The following PA2G4 variants were observed in gnomAD, a reference collection of about 807,000 sequenced individuals.
PA2G4 encodes the protein proliferation-associated protein 2G4.
PA2G4 carries 8 observed loss-of-function variants against 53.3 expected under a neutral mutation model. The observed-to-expected ratio is 0.15, with a 90% CI of 0.09 to 0.27. The LOEUF is 0.27. PA2G4 is among the 10% of genes least tolerant of loss of function. The pLI is 1.00. For missense variants in PA2G4, 208 were observed against 486.8 expected, an observed-to-expected ratio of 0.43 and a Z score of 5.39; for synonymous variants, 143 against 169.8, an observed-to-expected ratio of 0.84 and a Z score of 1.23.
rs2136844129 is a variant in PA2G4, at chr12:56,113,211, T to C, written c.*323T>C. On this transcript the variant is annotated 3_prime_UTR_variant, in exon 13 of 13. Transcript: ENST00000303305. ...TCTACTACTCTCTGCTTGGTCAAGG[T>C]TTGTGCCCCACTACAGAACAGGGCT... 4.5e-6 allele frequency: 1 copy of C among 222,034 alleles called. No homozygotes were observed. Among genetic ancestry groups the C allele is most frequent in the East Asian group, 1.2e-4 (1 of 8,540 alleles). 13.8% of individuals were successfully genotyped at this position (222,034 alleles called of 1,614,324 possible). A position where few individuals can be genotyped will look rare whatever the true frequency, so the allele number is the denominator to read the frequency against.
chr12:56,107,717 T>C, intron 5 of PA2G4, 104 bp downstream of exon 5: 1 of 695,426 alleles, frequency 1.4e-6, no homozygotes. Flanking sequence ...AGACCCCTTA[T>C]AAAACAGCTT....
chr12:56,109,370 A>G, intron 6 of PA2G4, 77 bp downstream of exon 6: 4 of 1,100,574 alleles, frequency 3.6e-6, no homozygotes, highest in South Asian at 1.2e-5. Context: ...CTGTAATCCC[A>G]GAACTTTGGG....
rs200426103 is a variant in PA2G4 at position 56,111,542 on chromosome 12, C to T, written c.1119+13C>T. 3.2e-5 allele frequency: 51 copies of T among 1,610,522 alleles called. No individual in the cohort carries two copies. The East Asian group carries it at 1.0e-3, about 32-fold the overall frequency. On this transcript the variant is annotated intron_variant, in intron 12 of 12. Coordinates refer to ENST00000303305, the MANE Select transcript of PA2G4 (RefSeq NM_006191.3). Reference sequence around the variant, plus strand: ...GAAAAAAAAGAAGGTGTGTTATTAACGATCATTCCTCTCTGGCAGGGTGAA... The same window carrying T: ...GAAAAAAAAGAAGGTGTGTTATTAATGATCATTCCTCTCTGGCAGGGTGAA...
At chr12:56,110,141 C>T (rs1376010422) in intron 7 of PA2G4, among the ~76,000 whole-genome samples, 31 of 152,042 alleles carry the variant, frequency 2.0e-4, no homozygotes, top group Admixed American at 2.0e-3. Flanking sequence ...GGTGGATCAC[C>T]TGAGGTCACG....
rs756275049 is a variant in PA2G4, at chr12:56,111,253, C to T, written c.1009C>T (p.Pro337Ser). ...PNGPMRITSG[P>S]FEPDLYKSEM... is the part of the protein sequence containing the mutation. ...TGGCCCCATGCGGATAACCAGTGGT[C>T]CCTTCGAGCCTGACCTCTACAAGTC... is the stretch of plus-strand genomic sequence containing the variant. The change falls in exon 11 of 13, where the codon CCC (proline) becomes TCC (serine). Residue 337 changes from proline to serine, a missense_variant. Pro to Ser is a moderately conservative substitution (Grantham distance 74). Transcript: ENST00000303305. 2.5e-6 allele frequency: 4 copies of T among 1,614,064 alleles called. No individual in the cohort carries two copies. Among genetic ancestry groups the T allele is most frequent in the Non-Finnish European group, 3.4e-6 (4 of 1,179,994 alleles).
intron 5 of PA2G4, 68 bp downstream of exon 5, chr12:56,107,681 T>C: frequency 9.9e-7 from 1 of 1,012,398 alleles, no homozygotes; most frequent in African/African-American, 1.6e-5. Flanking sequence ...ATAGCTACTC[T>C]ATATGAAACT....
Position 56,107,633 on chromosome 12 carries a change from TCCAAAGCTCGTTTGAA to T in PA2G4, c.486+27_486+42del. 6.3e-7 allele frequency: 1 copy of T among 1,579,810 alleles called. No homozygotes were observed. The highest frequency in any genetic ancestry group is 2.2e-5 in the East Asian group (1 of 44,642). The stretch of plus-strand genomic sequence containing the variant: ...AATCAGGTAAGCTATTTTATCCAAT[TCCAAAGCTCGTTTGAA>T]CCAAAGATGCATTAGGCACCTATAG... On this transcript the variant is annotated intron_variant, in intron 5 of 12. Coordinates refer to ENST00000303305, the MANE Select transcript of PA2G4 (RefSeq NM_006191.3).
At chr12:56,109,812 T>G in intron 6 of PA2G4, 45 bp from the exon 7 acceptor site, 1 of 1,429,804 alleles carries the variant, frequency 7.0e-7, no homozygotes, top group Non-Finnish European at 9.9e-7. Context: ...GGAAACCTTT[T>G]GGGATACTGG....
chr12:56,107,486 C>G, intron 4 of PA2G4, 35 bp from the exon 5 acceptor site: 1 of 1,494,374 alleles, frequency 6.7e-7, no homozygotes, highest in Non-Finnish European at 9.3e-7. Flanking sequence ...AACAGACTTT[C>G]CAGGAAGATA....
chr12:56,110,857 C>T, intron 9 of PA2G4, 107 bp from the exon 10 acceptor site: 1 of 1,349,934 alleles, frequency 7.4e-7, no homozygotes, highest in Non-Finnish European at 1.0e-6. Context: ...AAGAGCAATC[C>T]TAAGCATGAT....
In PA2G4 at chr12:56,109,296, G is replaced by A. The variant is rs1187005715; in HGVS notation, c.550+3G>A. 1.2e-6 allele frequency: 2 copies of A among 1,607,832 alleles called. No homozygotes were observed. The highest frequency in any genetic ancestry group is 8.5e-7 in the Non-Finnish European group (1 of 1,176,396). ...ATTTAACTGCACGCCAATAGAAGGTGAGAACAGATAACAGGGTTGAGGGTC... is the reference window on the plus strand; with the variant it reads ...ATTTAACTGCACGCCAATAGAAGGTAAGAACAGATAACAGGGTTGAGGGTC... On this transcript the variant is annotated splice_donor_region_variant and intron_variant, in intron 6 of 12. Transcript: ENST00000303305.
rs1391619632 is a variant in PA2G4 at position 56,104,704 on chromosome 12, G to A, written c.-34G>A. The A allele has an allele frequency of 3.8e-6, 6 of 1,592,330 alleles. No homozygotes were observed. In the South Asian group the frequency reaches 5.5e-5, roughly 15 times the overall value. ...GGGAGACAGAGGCGGCGGCGGCTCA[G>A]GGGAAACGAGGCTGCAGTGGTGGTA... On this transcript the variant is annotated 5_prime_UTR_variant, in exon 1 of 13. Coordinates refer to ENST00000303305, the MANE Select transcript of PA2G4 (RefSeq NM_006191.3).
chr12:56,112,790 C>T (rs117104609), intron 12 of PA2G4, 33 bp from the exon 13 acceptor site: 8 of 1,429,782 alleles, frequency 5.6e-6, no homozygotes, highest in Non-Finnish European at 7.7e-6. Flanking sequence ...TAGAAACTGA[C>T]AGGTCTTCTC....
At chr12:56,112,774 A>G (rs1869457291) in intron 12 of PA2G4, 49 bp from the exon 13 acceptor site, 2 of 1,247,362 alleles carry the variant, frequency 1.6e-6, no homozygotes, top group Non-Finnish European at 1.2e-6. Context: ...GACATCCCCA[A>G]GTAGTTAGAA....
intron 1 of PA2G4, chr12:56,105,142 T>A: frequency 1.7e-6 from 1 of 589,670 alleles, no homozygotes; most frequent in East Asian, 3.8e-5. Context: ...TTCCCGATTA[T>A]TGCTTCCTCT....
chr12:56,110,202 C>T (rs532892830), intron 7 of PA2G4, among the ~76,000 whole-genome samples, 197 bp from the exon 8 acceptor site: 6 of 152,022 alleles, frequency 3.9e-5, no homozygotes, highest in African/African-American at 2.4e-5. Context: ...CTACTAAAAA[C>T]TACAAAAATG....
chr12:56,107,993 C>T (rs1869337418), intron 5 of PA2G4, among the ~76,000 whole-genome samples: 1 of 152,164 alleles, frequency 6.6e-6, no homozygotes, highest in Non-Finnish European at 1.5e-5. Flanking sequence ...CATGCCACTG[C>T]ACTCCAGCCT....
Position 56,113,759 on chromosome 12 carries a change from T to C in PA2G4, c.*871T>C, listed in dbSNP as rs985881393. The C allele has an allele frequency of 2.9e-6, 2 of 688,062 alleles. No individual in the cohort carries two copies. The highest frequency in any genetic ancestry group is 2.7e-5 in the East Asian group (1 of 37,188). The allele number at this position is 688,062 out of a possible 1,614,324, so 42.6% of individuals were successfully genotyped here. On this transcript the variant is annotated 3_prime_UTR_variant, in exon 13 of 13. Coordinates refer to ENST00000303305, the MANE Select transcript of PA2G4 (RefSeq NM_006191.3). Reference sequence around the variant, plus strand: ...GGCTTTCTGAAGCTATGGACTTGGATTGGATTGCTGGGGGTTTGTAGAGAA... The same window carrying C: ...GGCTTTCTGAAGCTATGGACTTGGACTGGATTGCTGGGGGTTTGTAGAGAA...
At chr12:56,107,734 A>G (rs1459268744) in intron 5 of PA2G4, 121 bp downstream of exon 5, 1 of 634,552 alleles carries the variant, frequency 1.6e-6, no homozygotes, top group South Asian at 1.9e-5. Flanking sequence ...GCTTTTTAAA[A>G]TTAGCTATAT....
Sources: allele counts gnomAD v4.1 joint callset (sites outside exome capture counted in the v4.1 genomes callset), GRCh38; gene constraint gnomAD v4.1.1; transcripts MANE v1.5; gene names NCBI Gene and HGNC (gene_info 2026-07-23, HGNC 2026-07-21).